Variants in CNTNAP5 observed in about 807,000 individuals in gnomAD.
CNTNAP5 encodes contactin associated protein family member 5.
A neutral mutation model predicts 150.2 loss-of-function variants in CNTNAP5; 72 were observed. The observed-to-expected ratio is 0.48, with a 90% CI of 0.40 to 0.58. CNTNAP5 has a LOEUF of 0.58. Among genes scored for constraint, CNTNAP5 ranks in the 20% least tolerant of loss-of-function variants. The probability of loss-of-function intolerance (pLI) is 0.00; values close to 1 mark genes in which losing one functional copy is unlikely to be tolerated. For synonymous variants in CNTNAP5, 672 were observed against 619.8 expected, an observed-to-expected ratio of 1.08 and a Z score of -1.25; for missense variants, 1,636 against 1,626.2, an observed-to-expected ratio of 1.01 and a Z score of -0.10.
chr2:124,809,294 G>C (rs1263042936), intron 19 of CNTNAP5, among the ~76,000 whole-genome samples: 1 of 152,044 alleles, frequency 6.6e-6, no homozygotes, highest in Non-Finnish European at 1.5e-5. Context: ...GAGAAACAGA[G>C]GTGATGCAAG....
intron 21 of CNTNAP5, among the ~76,000 whole-genome samples, chr2:124,886,300 C>T (rs909141719): frequency 6.6e-6 from 1 of 152,038 alleles, no homozygotes; most frequent in Non-Finnish European, 1.5e-5. Flanking sequence ...TTGTTAACAA[C>T]TAGACTTGGG....
At chr2:124,110,573 T>C (rs1252123979) in intron 1 of CNTNAP5, among the ~76,000 whole-genome samples, 3 of 152,206 alleles carry the variant, frequency 2.0e-5, no homozygotes, top group African/African-American at 4.8e-5. Flanking sequence ...GTTTATTGAC[T>C]ATTTACCATA....
rs146479106 is a variant in CNTNAP5, at chr2:124,060,035, A to G, written c.82+34303A>G. On this transcript the variant is annotated intron_variant, in intron 1 of 23. Coordinates refer to ENST00000682447, the MANE Select transcript of CNTNAP5 (RefSeq NM_001367498.1). The stretch of plus-strand genomic sequence containing the variant: ...ACTGTAATAGTCGATGATTTGTAAG[A>G]TGTTTTCTCTAGTTGGCTGGTGTCC... 1.4e-3 allele frequency among the ~76,000 whole-genome samples: 211 copies of G among 152,300 alleles called. 1 individual carries two copies. The highest frequency in any genetic ancestry group is 2.4e-3 in the Non-Finnish European group (164 of 68,024).
chr2:124,786,854 A>G (rs1681610230), intron 17 of CNTNAP5, among the ~76,000 whole-genome samples: 1 of 152,214 alleles, frequency 6.6e-6, no homozygotes, highest in African/African-American at 2.4e-5. Context: ...TTCTCTTTAT[A>G]AAGAAAAAGC....
chr2:124,720,277 C>T (rs769094772), intron 13 of CNTNAP5, among the ~76,000 whole-genome samples: 11 of 152,042 alleles, frequency 7.2e-5, no homozygotes, highest in South Asian at 4.2e-4. Flanking sequence ...TAGTTGTTTT[C>T]GGTATGTAAC....
intron 3 of CNTNAP5, among the ~76,000 whole-genome samples, chr2:124,252,892 A>AATGT (rs1210612457): frequency 6.6e-6 from 1 of 152,104 alleles, no homozygotes; most frequent in Non-Finnish European, 1.5e-5. Context: ...GACTTATTTA[A>AATGT]ATGTAAATGT....
chr2:124,026,347 T>A (rs1680887920), intron 1 of CNTNAP5, among the ~76,000 whole-genome samples: 1 of 152,150 alleles, frequency 6.6e-6, no homozygotes. Context: ...GGAAGAGCTT[T>A]GATGCATACC....
At chr2:124,412,145 T>A in intron 3 of CNTNAP5, among the ~76,000 whole-genome samples, 1 of 130,090 alleles carries the variant, frequency 7.7e-6, no homozygotes, top group Non-Finnish European at 1.7e-5. Context: ...TCAAAGAGAA[T>A]AAAATACCTA....
At chr2:124,646,620 A>T (rs1354980616) in intron 12 of CNTNAP5, among the ~76,000 whole-genome samples, 1 of 152,198 alleles carries the variant, frequency 6.6e-6, no homozygotes, top group Admixed American at 6.5e-5. Context: ...TTCAGAATTA[A>T]ATTGCATGTC....
intron 13 of CNTNAP5, among the ~76,000 whole-genome samples, chr2:124,706,795 A>AAGAAGAAGAAGAAGGAGGAGGAGG (rs1553433527): frequency 5.3e-5 from 1 of 18,854 alleles, no homozygotes; most frequent in Non-Finnish European, 1.0e-4. Context: ...GAAGAAGAAG[A>AAGAAGAAGAAGAAGGAGGAGGAGG]AGGAGGAGGA....
At chr2:124,477,937 T>C (rs1367859254) in intron 7 of CNTNAP5, among the ~76,000 whole-genome samples, 1 of 151,956 alleles carries the variant, frequency 6.6e-6, no homozygotes. Context: ...ACAGTAAGCT[T>C]ATAAAAACAT....
chr2:124,098,849 T>A (rs946705115), intron 1 of CNTNAP5, among the ~76,000 whole-genome samples: 1 of 152,224 alleles, frequency 6.6e-6, no homozygotes, highest in Non-Finnish European at 1.5e-5. Context: ...GGAACTCCAC[T>A]GCAGTGATAT....
intron 3 of CNTNAP5, among the ~76,000 whole-genome samples, chr2:124,302,921 T>G (rs1345029601): frequency 6.6e-6 from 1 of 152,230 alleles, no homozygotes. Context: ...CTTGCATGTT[T>G]ACTGCTCAGA....
chr2:124,609,513 G>A (rs1040950806), intron 11 of CNTNAP5, among the ~76,000 whole-genome samples: 3 of 152,016 alleles, frequency 2.0e-5, no homozygotes, highest in Admixed American at 2.0e-4. Context: ...GATCACTTGA[G>A]CCTGGGAGTT....
intron 19 of CNTNAP5, among the ~76,000 whole-genome samples, chr2:124,843,220 G>A (rs980519352): frequency 6.6e-6 from 1 of 152,006 alleles, no homozygotes; most frequent in Admixed American, 6.6e-5. Context: ...AGGCATTTAG[G>A]TTGCTGTAAA....
intron 7 of CNTNAP5, among the ~76,000 whole-genome samples, chr2:124,482,536 A>G (rs1257534234): frequency 6.6e-6 from 1 of 152,200 alleles, no homozygotes. Context: ...AAGGCTGGGC[A>G]GATCCGTGAA....
chr2:124,600,260 A>G (rs1473493743), intron 11 of CNTNAP5, among the ~76,000 whole-genome samples: 1 of 151,928 alleles, frequency 6.6e-6, no homozygotes. Flanking sequence ...TTTGTCGTTT[A>G]CCATCTCCAA....
rs1694988390 is a variant in CNTNAP5, at chr2:124,527,185, C to G, written c.1478-100C>G. 5 of 957,886 alleles carry G rather than the reference C, an allele frequency of 5.2e-6. No homozygotes were observed. The East Asian group carries it at 7.7e-5, about 15-fold the overall frequency. The allele number at this position is 957,886 out of a possible 1,614,324, so 59.3% of individuals were successfully genotyped here. On this transcript the variant is annotated intron_variant, in intron 9 of 23. Coordinates refer to ENST00000682447, the MANE Select transcript of CNTNAP5 (RefSeq NM_001367498.1). The stretch of plus-strand genomic sequence containing the variant: ...GTGTGCACTGCTGTGAATGAGAAAG[C>G]ACCAAACTAATTAGACCTCAAGGTC...
At chr2:124,569,003 G>C (rs758186799) in intron 11 of CNTNAP5, among the ~76,000 whole-genome samples, 1 of 152,112 alleles carries the variant, frequency 6.6e-6, no homozygotes, top group East Asian at 1.9e-4. Flanking sequence ...AGCCAAGATC[G>C]CGCCACTGCA....
Sources: allele counts gnomAD v4.1 joint callset (sites outside exome capture counted in the v4.1 genomes callset), GRCh38; gene constraint gnomAD v4.1.1; transcripts MANE v1.5; gene names NCBI Gene and HGNC (gene_info 2026-07-23, HGNC 2026-07-21).